Variants in RAD51B observed in about 807,000 individuals in gnomAD.
The protein encoded by RAD51B is RAD51 paralog B.
Under a neutral mutation model 42.2 loss-of-function variants are expected in RAD51B, and 38 were observed. That is an observed-to-expected ratio of 0.90 (90% CI 0.70 to 1.18). The LOEUF is 1.18. Ranked by LOEUF, RAD51B falls within the 50% of genes most tolerant of loss-of-function variation. The probability of loss-of-function intolerance (pLI) is 0.00; values close to 1 mark genes in which losing one functional copy is unlikely to be tolerated. For missense variants in RAD51B, 373 were observed against 400.7 expected (o/e 0.93, Z 0.59); for synonymous variants, 154 against 145.2 (o/e 1.06, Z -0.43).
chr14:68,259,329 A>G (rs1317126366), intron 7 of RAD51B, among the ~76,000 whole-genome samples: 1 of 152,032 alleles, frequency 6.6e-6, no homozygotes, highest in Non-Finnish European at 1.5e-5. Context: ...GAGGGATAGC[A>G]TTAGGAGATA....
At chr14:68,433,291 C>T (rs971125148) in intron 9 of RAD51B, among the ~76,000 whole-genome samples, 24 of 152,268 alleles carry the variant, frequency 1.6e-4, no homozygotes, top group Middle Eastern at 3.4e-3. Flanking sequence ...TGAATGTTGG[C>T]CTGCCTTGCT....
chr14:68,246,313 A>C (rs925604032), intron 7 of RAD51B, among the ~76,000 whole-genome samples: 1 of 152,118 alleles, frequency 6.6e-6, no homozygotes, highest in Non-Finnish European at 1.5e-5. Context: ...GAAAAAAAAA[A>C]ATCTTTTTGA....
rs146010317 is a variant in RAD51B at position 68,635,027 on chromosome 14, G to A, written c.1037-15754G>A. Among the ~76,000 whole-genome samples, 488 of 152,284 alleles carry A rather than the reference G, an allele frequency of 3.2e-3. 5 individuals are homozygous for A. The highest frequency in any genetic ancestry group is 8.7e-3 in the Admixed American group (133 of 15,306). ...CAAAAATAAGACTCTGGGAGCCTCC[G>A]GTGACAGGGCCATATGGTTTCCTTA... On this transcript the variant is annotated intron_variant, in intron 10 of 11. Coordinates refer to the RAD51B transcript ENST00000488612.
intron 11 of RAD51B, among the ~76,000 whole-genome samples, chr14:68,677,298 G>C (rs1439384831): frequency 6.6e-6 from 1 of 152,208 alleles, no homozygotes; most frequent in Non-Finnish European, 1.5e-5. Flanking sequence ...CCCAGTGATG[G>C]ATGCATTTGG....
At chr14:67,927,767 A>G (rs1246057975) in intron 7 of RAD51B, among the ~76,000 whole-genome samples, 5 of 149,200 alleles carry the variant, frequency 3.4e-5, no homozygotes, top group Non-Finnish European at 7.4e-5. Flanking sequence ...TGTATATATT[A>G]TATATATACA....
chr14:68,165,896 G>T (rs1408291071), intron 7 of RAD51B, among the ~76,000 whole-genome samples: 2 of 152,126 alleles, frequency 1.3e-5, no homozygotes, highest in African/African-American at 4.8e-5. Context: ...GTACATAAAA[G>T]AAATAGCTGA....
chr14:68,613,221 G>T (rs1891738393), downstream of RAD51B, among the ~76,000 whole-genome samples: 1 of 151,958 alleles, frequency 6.6e-6, no homozygotes, highest in Non-Finnish European at 1.5e-5. Context: ...TTCAAGACCA[G>T]CCTGCCCAAC....
At chr14:68,594,314 T>C (rs1291136639) in intron 10 of RAD51B, among the ~76,000 whole-genome samples, 1 of 152,206 alleles carries the variant, frequency 6.6e-6, no homozygotes. Context: ...CGAATACTTC[T>C]TCCCCACCCG....
At chr14:68,192,481 A>C (rs2079286486) in intron 7 of RAD51B, among the ~76,000 whole-genome samples, 1 of 152,214 alleles carries the variant, frequency 6.6e-6, no homozygotes, top group African/African-American at 2.4e-5. Context: ...AGCTGATGAT[A>C]ATAGAAACAC....
At chr14:68,297,456 A>G (rs909865081) in intron 8 of RAD51B, among the ~76,000 whole-genome samples, 1 of 152,218 alleles carries the variant, frequency 6.6e-6, no homozygotes, top group Non-Finnish European at 1.5e-5. Context: ...TTTGTAATCC[A>G]TTAACCACAG....
intron 7 of RAD51B, among the ~76,000 whole-genome samples, chr14:68,262,200 A>T (rs1258243268): frequency 1.3e-5 from 2 of 152,180 alleles, no homozygotes; most frequent in African/African-American, 2.4e-5. Flanking sequence ...AAAGAGTAGC[A>T]GTGTGGAAAG....
At chr14:68,456,939 G>T (rs71423312) in intron 9 of RAD51B, among the ~76,000 whole-genome samples, 1 of 104,934 alleles carries the variant, frequency 9.5e-6, no homozygotes, top group Non-Finnish European at 1.8e-5. Flanking sequence ...TTGAGACAGA[G>T]TCTCACTCTG....
intron 10 of RAD51B, among the ~76,000 whole-genome samples, chr14:68,539,705 C>G (rs1342732732): frequency 6.6e-6 from 1 of 152,228 alleles, no homozygotes; most frequent in Non-Finnish European, 1.5e-5. Context: ...TGAATGGGGC[C>G]ATGGAGGGCA....
At chr14:67,960,185 C>G (rs1408310737) in intron 7 of RAD51B, among the ~76,000 whole-genome samples, 1 of 151,990 alleles carries the variant, frequency 6.6e-6, no homozygotes, top group Non-Finnish European at 1.5e-5. Context: ...TACTACTTGA[C>G]AGAAATAATA....
intron 10 of RAD51B, among the ~76,000 whole-genome samples, chr14:68,584,123 T>C (rs995510686): frequency 4.0e-5 from 6 of 151,866 alleles, no homozygotes; most frequent in African/African-American, 1.2e-4. Flanking sequence ...TGCCTCAGGG[T>C]CATTCAGGTG....
chr14:68,071,300 G>A (rs963103295), intron 7 of RAD51B, among the ~76,000 whole-genome samples: 15 of 152,076 alleles, frequency 9.9e-5, no homozygotes, highest in Admixed American at 4.6e-4. Flanking sequence ...TCCCTGTAGT[G>A]TACTGAATAG....
exon 11 of RAD51B, chr14:68,595,759 C>G: frequency 1.9e-6 from 1 of 515,086 alleles, no homozygotes; most frequent in Non-Finnish European, 2.7e-6. Flanking sequence ...GGCTTAATCT[C>G]ATGGGAAAGT....
chr14:67,970,196 A>AT (rs1333050113), intron 7 of RAD51B, among the ~76,000 whole-genome samples: 1 of 152,108 alleles, frequency 6.6e-6, no homozygotes, highest in African/African-American at 2.4e-5. Flanking sequence ...ACTGCCAGTT[A>AT]TTTTTTGCTG....
chr14:68,261,125 G>C (rs76641778), intron 7 of RAD51B, among the ~76,000 whole-genome samples: 2 of 152,354 alleles, frequency 1.3e-5, no homozygotes, highest in South Asian at 2.1e-4. Flanking sequence ...CCTCCTCAAG[G>C]CTGTGTGCTG....
Sources: gnomAD v4.1 joint callset for allele counts (sites outside exome capture counted in the v4.1 genomes callset) on GRCh38, gnomAD v4.1.1 for gene constraint, MANE v1.5 for transcripts, NCBI Gene and HGNC (gene_info 2026-07-23, HGNC 2026-07-21) for gene names.